CRYBA4: variants seen among roughly 807,000 people sequenced by gnomAD.
CRYBA4 encodes crystallin beta A4.
Under a neutral mutation model 31.7 loss-of-function variants are expected in CRYBA4, and 30 were observed. That is an observed-to-expected ratio of 0.95 (90% confidence interval 0.71 to 1.28). The LOEUF is 1.28. CRYBA4 is among the 50% of genes most tolerant of loss of function. The pLI, the probability that CRYBA4 is intolerant of heterozygous loss-of-function variation, is 0.00. For missense variants in CRYBA4, 225 were observed against 260.7 expected (o/e 0.86, Z 0.94); for synonymous variants, 102 against 102.3 (o/e 1.00, Z 0.02).
At chr22:26,629,163 G>A (rs1015329805) in intron 5 of CRYBA4, among the ~76,000 whole-genome samples, 1 of 152,192 alleles carries the variant, frequency 6.6e-6, no homozygotes, top group Non-Finnish European at 1.5e-5. Context: ...GGAGGTGGCA[G>A]GTGAAGGCTA....
At chr22:26,614,501 C>T in the CRYBA4 span, among the ~76,000 whole-genome samples, 4 of 152,134 alleles carry the variant, frequency 2.6e-5, no homozygotes, top group East Asian at 1.9e-4. Flanking sequence ...ATGCTGTTCA[C>T]GAGAGCAAAG....
At chr22:26,622,463 C>G in intron 1 of CRYBA4, 122 bp from the exon 2 acceptor site, 1 of 807,990 alleles carries the variant, frequency 1.2e-6, no homozygotes, top group East Asian at 2.5e-5. Flanking sequence ...CCATGCATTG[C>G]CCCTAGCCCA....
chr22:26,593,269 T>C, the CRYBA4 span, among the ~76,000 whole-genome samples: 2 of 152,330 alleles, frequency 1.3e-5, no homozygotes, highest in African/African-American at 4.8e-5. Context: ...AGAATAGATG[T>C]AGCATAATAC....
chr22:26,629,834 G>A (rs1371228584), intron 5 of CRYBA4, among the ~76,000 whole-genome samples: 1 of 150,704 alleles, frequency 6.6e-6, no homozygotes, highest in Non-Finnish European at 1.5e-5. Context: ...GAAAGAACAA[G>A]ACTTCCCATT....
the CRYBA4 span, chr22:26,612,216 A>C: frequency 4.6e-6 from 7 of 1,519,950 alleles, no homozygotes; most frequent in African/African-American, 9.6e-5. Flanking sequence ...CCCCATGCCA[A>C]GGGCAGAGTG....
chr22:26,590,432 G>T, the CRYBA4 span, among the ~76,000 whole-genome samples: 1 of 152,230 alleles, frequency 6.6e-6, no homozygotes. Context: ...CCAAAAAGTG[G>T]TGTAAGAAAA....
chr22:26,615,335 G>A, the CRYBA4 span, among the ~76,000 whole-genome samples: 296 of 152,192 alleles, frequency 1.9e-3, no homozygotes, highest in African/African-American at 6.4e-3. Context: ...AGGACAGCTG[G>A]TTCCCTGCTG....
chr22:26,597,217 C>T, the CRYBA4 span, among the ~76,000 whole-genome samples: 1 of 152,150 alleles, frequency 6.6e-6, no homozygotes, highest in African/African-American at 2.4e-5. Context: ...GTATCCGTCC[C>T]ACCCTGTGCT....
At chr22:26,615,964 GAGA>G in the CRYBA4 span, among the ~76,000 whole-genome samples, 1 of 152,132 alleles carries the variant, frequency 6.6e-6, no homozygotes, top group African/African-American at 2.4e-5. Context: ...TGGGGAGGTG[GAGA>G]AGAAGAAAAG....
chr22:26,607,560 G>GGAA, the CRYBA4 span, among the ~76,000 whole-genome samples: 5 of 116,304 alleles, frequency 4.3e-5, no homozygotes, highest in East Asian at 4.9e-4. Context: ...CCATCTTTGG[G>GGAA]AAAAAAAAAA....
At chr22:26,629,703 C>G (rs536645113) in intron 5 of CRYBA4, among the ~76,000 whole-genome samples, 1 of 122,638 alleles carries the variant, frequency 8.2e-6, no homozygotes, top group African/African-American at 3.0e-5. Context: ...CCACGGCACT[C>G]CAGTCTGGGC....
chr22:26,612,255 C>T, the CRYBA4 span: 1 of 1,091,188 alleles, frequency 9.2e-7, no homozygotes. Context: ...CATTAAGTAT[C>T]TACATAAATA....
At chr22:26,609,912 G>T in the CRYBA4 span, among the ~76,000 whole-genome samples, 3 of 152,148 alleles carry the variant, frequency 2.0e-5, no homozygotes, top group African/African-American at 7.2e-5. Flanking sequence ...GAGATTATGA[G>T]GGCCTAAAAG....
the CRYBA4 span, among the ~76,000 whole-genome samples, chr22:26,616,662 T>G: frequency 6.6e-6 from 1 of 152,222 alleles, no homozygotes; most frequent in East Asian, 1.9e-4. Context: ...GATTTGCTTG[T>G]GCAACTCCAA....
the CRYBA4 span, among the ~76,000 whole-genome samples, chr22:26,596,117 T>C: frequency 6.6e-6 from 1 of 152,132 alleles, no homozygotes; most frequent in Non-Finnish European, 1.5e-5. Context: ...TATTTTATTT[T>C]TGAGATGGAA....
chr22:26,614,992 G>A, the CRYBA4 span, among the ~76,000 whole-genome samples: 3 of 152,098 alleles, frequency 2.0e-5, no homozygotes, highest in Non-Finnish European at 2.9e-5. Context: ...TGGACTCAAG[G>A]GAGACACCTT....
chr22:26,603,817 A>G, the CRYBA4 span, among the ~76,000 whole-genome samples: 26,839 of 148,936 alleles, frequency 0.18, 3,114 homozygotes, highest in East Asian at 0.39. Context: ...CCAGCTACTC[A>G]GGAGGCTGAG....
the CRYBA4 span, among the ~76,000 whole-genome samples, chr22:26,600,129 C>T: frequency 1.3e-5 from 2 of 152,018 alleles, no homozygotes; most frequent in South Asian, 2.1e-4. Flanking sequence ...TGGCTGGGCG[C>T]GGTGGCTCAA....
chr22:26,629,988 T>G (rs1929873141), intron 5 of CRYBA4, among the ~76,000 whole-genome samples: 1 of 152,242 alleles, frequency 6.6e-6, no homozygotes, highest in African/African-American at 2.4e-5. Context: ...CAGGGGAGGC[T>G]GATATTTTAC....
Sources: gnomAD v4.1 joint callset for allele counts (sites outside exome capture counted in the v4.1 genomes callset) on GRCh38, gnomAD v4.1.1 for gene constraint, MANE v1.5 for transcripts, NCBI Gene and HGNC (gene_info 2026-07-23, HGNC 2026-07-21) for gene names.